Variants in TBC1D8 observed in about 807,000 individuals in gnomAD.
TBC1D8 encodes the protein TBC1 domain family member 8.
TBC1D8 carries 65 observed loss-of-function variants against 118.8 expected under a neutral mutation model. The ratio of observed to expected loss-of-function variants is 0.55; its 90% CI spans 0.45 to 0.67. The LOEUF is 0.67. Among genes scored for constraint, TBC1D8 ranks in the 30% least tolerant of loss-of-function variants. TBC1D8 has a pLI of 0.00. For synonymous variants in TBC1D8, 566 were observed against 595.8 expected, an observed-to-expected ratio of 0.95 and a Z score of 0.73; for missense variants, 1,376 against 1,471.2, an observed-to-expected ratio of 0.94 and a Z score of 1.06.
chr2:101,017,134 G>A (rs193248836), intron 17 of TBC1D8, among the ~76,000 whole-genome samples: 3 of 150,844 alleles, frequency 2.0e-5, no homozygotes, highest in South Asian at 2.1e-4. Flanking sequence ...GGTCAGGATC[G>A]TCAATATCAG....
intron 1 of TBC1D8, among the ~76,000 whole-genome samples, chr2:101,147,092 AG>A (rs1451537582): frequency 2.1e-5 from 3 of 141,132 alleles, no homozygotes; most frequent in African/African-American, 8.0e-5. Flanking sequence ...GCCGAGGCCG[AG>A]GCAGGAGGAT....
chr2:101,054,776 G>A (rs1272287104), intron 3 of TBC1D8, among the ~76,000 whole-genome samples: 2 of 141,396 alleles, frequency 1.4e-5, no homozygotes, highest in African/African-American at 5.4e-5. Context: ...TCCACCTCCT[G>A]GGTTCAAGTG....
Position 101,110,042 on chromosome 2 carries a change from A to G in TBC1D8, c.128-19678T>C, listed in dbSNP as rs115236956. The G allele has an allele frequency of 5.5e-4, 544 of 983,054 alleles. 5 individuals are homozygous for G. In the African/African-American group the frequency reaches 8.5e-3, roughly 15 times the overall value. 60.9% of individuals were successfully genotyped at this position (983,054 alleles called of 1,614,324 possible). ...GCGTCTCAGCGAGCACAACACTCCTATTTTTAGGCTCTTAGAATAACAACT... is the reference window on the plus strand; with the variant it reads ...GCGTCTCAGCGAGCACAACACTCCTGTTTTTAGGCTCTTAGAATAACAACT... On this transcript the variant is annotated intron_variant, in intron 1 of 19. Coordinates refer to ENST00000409318, the MANE Select transcript of TBC1D8 (RefSeq NM_001330348.2).
rs1354164273 is a variant in TBC1D8, at chr2:101,033,633, G to A, written c.1729C>T (p.Pro577Ser). ...RDLHRSLPEH[P>S]AFQNETGIAA... ...ATTCCCGTTTCGTTCTGGAAGGCGG[G>A]GTGCTCTGGCAGGGAGCGGTGCAGG... Residue 577 changes from proline to serine, a missense_variant, in exon 10 of 20, where the codon CCC (proline) becomes TCC (serine). By Grantham distance (74) the Pro-to-Ser change is moderately conservative. Coordinates refer to ENST00000409318, the MANE Select transcript of TBC1D8 (RefSeq NM_001330348.2). 1 of 1,613,834 alleles carries A rather than the reference G, an allele frequency of 6.2e-7. No homozygotes were observed. Among genetic ancestry groups the A allele is most frequent in the African/African-American group, 1.3e-5 (1 of 74,884 alleles).
At chr2:101,057,764 A>T (rs1487783668) in intron 3 of TBC1D8, among the ~76,000 whole-genome samples, 1 of 152,172 alleles carries the variant, frequency 6.6e-6, no homozygotes, top group Non-Finnish European at 1.5e-5. Flanking sequence ...GTCAAGGCTG[A>T]TGTGAGCCAC....
intron 2 of TBC1D8, among the ~76,000 whole-genome samples, chr2:101,072,985 T>C (rs1379443946): frequency 6.6e-6 from 1 of 152,190 alleles, no homozygotes. Flanking sequence ...CTTCAGATAT[T>C]CAGTAAATCA....
At chr2:101,027,336 A>C in intron 15 of TBC1D8, 47 bp downstream of exon 15, 1 of 1,580,966 alleles carries the variant, frequency 6.3e-7, no homozygotes, top group Non-Finnish European at 8.7e-7. Context: ...ACCGCGGCTC[A>C]GGCCAGCTCA....
rs200312968 is a variant in TBC1D8, at chr2:101,028,465, A to G, written c.2223-33T>C. Reference sequence around the variant, plus strand: ...CACCGCCCCGTCAACGCCCAAGTCCATCCTCATTCGGGTACCACAACACGG... The same window carrying G: ...CACCGCCCCGTCAACGCCCAAGTCCGTCCTCATTCGGGTACCACAACACGG... On this transcript the variant is annotated intron_variant, in intron 12 of 19. Coordinates refer to ENST00000409318, the MANE Select transcript of TBC1D8 (RefSeq NM_001330348.2). 3.5e-3 allele frequency: 5,379 copies of G among 1,525,270 alleles called. 20 individuals are homozygous for G. The highest frequency in any genetic ancestry group is 4.0e-3 in the Non-Finnish European group (4,593 of 1,138,738). 94.5% of individuals were successfully genotyped at this position (1,525,270 alleles called of 1,614,324 possible).
intron 15 of TBC1D8, among the ~76,000 whole-genome samples, chr2:101,024,489 C>T (rs1680222573): frequency 6.7e-6 from 1 of 150,212 alleles, no homozygotes; most frequent in South Asian, 2.1e-4. Flanking sequence ...TCACTGCAAC[C>T]TCTGCCTCCC....
intron 1 of TBC1D8, chr2:101,109,707 T>C (rs1354879708): frequency 1.7e-5 from 13 of 777,334 alleles, no homozygotes; most frequent in Non-Finnish European, 2.0e-5. Context: ...GCTGAGGCCC[T>C]GAGCACTGAG....
chr2:101,052,479 C>CTTTTT (rs3043690), intron 4 of TBC1D8, among the ~76,000 whole-genome samples: 7 of 138,812 alleles, frequency 5.0e-5, no homozygotes, highest in East Asian at 2.1e-4. Flanking sequence ...TTTCCTAAAT[C>CTTTTT]TTTTTTTTTT....
chr2:101,019,189 G>A, intron 17 of TBC1D8: 1 of 1,036,900 alleles, frequency 9.6e-7, no homozygotes, highest in Non-Finnish European at 1.4e-6. Context: ...ACACGGCCGG[G>A]GTTTCAACAA....
intron 6 of TBC1D8, among the ~76,000 whole-genome samples, chr2:101,039,490 AAAG>A (rs1385985792): frequency 6.6e-6 from 1 of 152,150 alleles, no homozygotes; most frequent in Non-Finnish European, 1.5e-5. Context: ...GAGTTTTTCC[AAAG>A]AAGAATGCTC....
chr2:101,134,170 T>TTCTC (rs34487679), intron 1 of TBC1D8, among the ~76,000 whole-genome samples: 4 of 126,216 alleles, frequency 3.2e-5, no homozygotes, highest in African/African-American at 5.9e-5. Flanking sequence ...TCTCTTCTCT[T>TTCTC]TCTCTCTCTC....
chr2:101,058,756 A>G (rs1682581948), intron 3 of TBC1D8, among the ~76,000 whole-genome samples: 1 of 152,028 alleles, frequency 6.6e-6, no homozygotes, highest in Admixed American at 6.5e-5. Flanking sequence ...CAACTGCAAA[A>G]AAAAAAAAAA....
At chr2:101,101,604 T>C (rs955656789) in intron 1 of TBC1D8, among the ~76,000 whole-genome samples, 1 of 152,128 alleles carries the variant, frequency 6.6e-6, no homozygotes, top group Non-Finnish European at 1.5e-5. Flanking sequence ...ACATGTATGT[T>C]TATTGCAGCA....
At chr2:101,101,637 G>A (rs12612103) in intron 1 of TBC1D8, among the ~76,000 whole-genome samples, 45,234 of 151,968 alleles carry the variant, frequency 0.3, 6,892 homozygotes, top group East Asian at 0.38. Flanking sequence ...GCAAAGACAT[G>A]GAAACAACCC....
intron 2 of TBC1D8, among the ~76,000 whole-genome samples, chr2:101,059,976 C>T: frequency 6.6e-6 from 1 of 152,126 alleles, no homozygotes; most frequent in Admixed American, 6.5e-5. Flanking sequence ...CCCTGGGCCA[C>T]AGTTTGCCAG....
chr2:101,134,794 C>A (rs1344504630), intron 1 of TBC1D8, among the ~76,000 whole-genome samples: 1 of 152,200 alleles, frequency 6.6e-6, no homozygotes, highest in African/African-American at 2.4e-5. Context: ...CACATTCAAT[C>A]CACAACATAA....
Sources: gnomAD v4.1 joint callset for allele counts (sites outside exome capture counted in the v4.1 genomes callset) on GRCh38, gnomAD v4.1.1 for gene constraint, MANE v1.5 for transcripts, NCBI Gene and HGNC (gene_info 2026-07-23, HGNC 2026-07-21) for gene names.